The following KCNIP1 variants were observed in gnomAD, a reference collection of about 807,000 sequenced individuals.
KCNIP1 encodes the protein A-type potassium channel modulatory protein KCNIP1.
KCNIP1 carries 18 observed loss-of-function variants against 33.0 expected under a neutral mutation model. The ratio of observed to expected loss-of-function variants is 0.55; its 90% CI spans 0.38 to 0.81. KCNIP1 has a LOEUF of 0.81. KCNIP1 is among the 30% of genes least tolerant of loss of function. KCNIP1 has a pLI of 0.00. For synonymous variants in KCNIP1, 93 were observed against 98.3 expected, an observed-to-expected ratio of 0.95 and a Z score of 0.32; for missense variants, 238 against 271.6, an observed-to-expected ratio of 0.88 and a Z score of 0.87.
At chr5:170,599,478 A>G (rs2113581100) in intron 1 of KCNIP1, among the ~76,000 whole-genome samples, 1 of 152,286 alleles carries the variant, frequency 6.6e-6, no homozygotes, top group Non-Finnish European at 1.5e-5. Context: ...TACCCTGTGT[A>G]TCAAGGAATG....
At chr5:170,718,013 G>T (rs73321346) in intron 1 of KCNIP1, among the ~76,000 whole-genome samples, 1 of 152,190 alleles carries the variant, frequency 6.6e-6, no homozygotes, top group African/African-American at 2.4e-5. Flanking sequence ...TGATCCTTCA[G>T]TGGAAGATGG....
intron 1 of KCNIP1, among the ~76,000 whole-genome samples, chr5:170,675,768 G>A (rs971804821): frequency 2.6e-5 from 4 of 152,074 alleles, no homozygotes; most frequent in African/African-American, 4.8e-5. Flanking sequence ...CCCTCTCTTT[G>A]CCCCCATTTT....
At chr5:170,358,867 G>T (rs1020393956) in intron 1 of KCNIP1, among the ~76,000 whole-genome samples, 6 of 152,188 alleles carry the variant, frequency 3.9e-5, no homozygotes, top group African/African-American at 1.4e-4. Flanking sequence ...TCTTGCTGCA[G>T]CCAAGACAAG....
intron 1 of KCNIP1, among the ~76,000 whole-genome samples, chr5:170,458,289 G>C (rs1756433609): frequency 6.6e-6 from 1 of 152,158 alleles, no homozygotes; most frequent in African/African-American, 2.4e-5. Flanking sequence ...GAATAATCAA[G>C]GAAAACTCCC....
Position 170,390,517 on chromosome 5 carries a change from A to AAAAAAAAAAAAATATATATATATAT in KCNIP1, c.88+36554_88+36555insAAAAAAAAAAATATATATATATATA. Among the ~76,000 whole-genome samples, 90 of 74,432 alleles carry AAAAAAAAAAAAATATATATATATAT rather than the reference A, an allele frequency of 1.2e-3. 2 individuals carry two copies. Among genetic ancestry groups the AAAAAAAAAAAAATATATATATATAT allele is most frequent in the African/African-American group, 1.5e-3 (23 of 15,606 alleles). 48.8% of individuals were successfully genotyped at this position (74,432 alleles called of 152,430 possible). A position where few individuals can be genotyped will look rare whatever the true frequency, so the allele number is the denominator to read the frequency against. On this transcript the variant is annotated intron_variant, in intron 1 of 7. Coordinates refer to the KCNIP1 transcript ENST00000377360. ...GACCCCGTCTCAAAAAAAAAAAACA[A>AAAAAAAAAAAAATATATATATATAT]ATATATATATATATATATATATTTT...
chr5:170,485,491 TCA>T (rs1397784322), intron 1 of KCNIP1, among the ~76,000 whole-genome samples: 1 of 152,140 alleles, frequency 6.6e-6, no homozygotes, highest in East Asian at 1.9e-4. Flanking sequence ...ATGCCTAGAC[TCA>T]CACACAGACA....
intron 1 of KCNIP1, among the ~76,000 whole-genome samples, chr5:170,498,046 C>G (rs999500791): frequency 6.6e-6 from 1 of 152,244 alleles, no homozygotes; most frequent in African/African-American, 2.4e-5. Context: ...TGAGGCCATG[C>G]TTGATGCATA....
chr5:170,548,995 T>C (rs1756510387), intron 1 of KCNIP1, among the ~76,000 whole-genome samples: 1 of 152,204 alleles, frequency 6.6e-6, no homozygotes, highest in East Asian at 1.9e-4. Flanking sequence ...AGAAGCCAAG[T>C]AGTACACTAG....
chr5:170,381,925 C>T (rs567457572), intron 1 of KCNIP1, among the ~76,000 whole-genome samples: 8 of 152,316 alleles, frequency 5.3e-5, no homozygotes, highest in South Asian at 2.1e-4. Context: ...CGGGTGGGGC[C>T]GAGTCATACT....
intron 1 of KCNIP1, among the ~76,000 whole-genome samples, chr5:170,528,386 G>T (rs546883758): frequency 6.6e-6 from 1 of 152,312 alleles, no homozygotes; most frequent in Admixed American, 6.5e-5. Flanking sequence ...CTGCAGGCCA[G>T]ACTTCAGTTC....
At chr5:170,656,996 C>CTTTTTT (rs397999901) in intron 1 of KCNIP1, among the ~76,000 whole-genome samples, 34 of 109,730 alleles carry the variant, frequency 3.1e-4, no homozygotes, top group South Asian at 1.8e-3. Context: ...TTCTTTCTTT[C>CTTTTTT]TTTTTTTTTT....
intron 1 of KCNIP1, among the ~76,000 whole-genome samples, chr5:170,642,358 G>A (rs753133375): frequency 2.0e-5 from 3 of 152,158 alleles, no homozygotes; most frequent in Non-Finnish European, 4.4e-5. Flanking sequence ...AGTGAGCACC[G>A]ACTGTGCACA....
chr5:170,663,160 T>C (rs1419488208), intron 1 of KCNIP1, among the ~76,000 whole-genome samples: 1 of 152,206 alleles, frequency 6.6e-6, no homozygotes, highest in Non-Finnish European at 1.5e-5. Flanking sequence ...CAAGGGAATA[T>C]GTCAGCTCCA....
intron 1 of KCNIP1, among the ~76,000 whole-genome samples, chr5:170,399,987 T>A (rs1754858192): frequency 6.6e-6 from 1 of 152,198 alleles, no homozygotes. Flanking sequence ...TAGGATCTGA[T>A]AAAATACACA....
At chr5:170,573,420 C>T (rs1757487798) in intron 1 of KCNIP1, among the ~76,000 whole-genome samples, 3 of 152,234 alleles carry the variant, frequency 2.0e-5, no homozygotes, top group East Asian at 1.9e-4. Flanking sequence ...TATTCTCCAG[C>T]GTCTATGAAT....
chr5:170,384,173 G>C (rs1213774579), intron 1 of KCNIP1, among the ~76,000 whole-genome samples: 2 of 152,190 alleles, frequency 1.3e-5, no homozygotes, highest in Non-Finnish European at 2.9e-5. Flanking sequence ...GAACTTCTTG[G>C]GTGGTTTGGC....
intron 1 of KCNIP1, among the ~76,000 whole-genome samples, chr5:170,644,959 C>T (rs769790090): frequency 6.6e-6 from 1 of 152,208 alleles, no homozygotes; most frequent in Non-Finnish European, 1.5e-5. Flanking sequence ...GTATACTGGC[C>T]TCTCTTGCCG....
chr5:170,474,895 T>A (rs1466877363), intron 1 of KCNIP1, among the ~76,000 whole-genome samples: 2 of 152,136 alleles, frequency 1.3e-5, no homozygotes, highest in African/African-American at 2.4e-5. Context: ...CCCCACCGCG[T>A]AGAAGGGGAC....
At chr5:170,405,854 C>T (rs1262478455) in intron 1 of KCNIP1, among the ~76,000 whole-genome samples, 2 of 152,198 alleles carry the variant, frequency 1.3e-5, no homozygotes, top group Non-Finnish European at 2.9e-5. Flanking sequence ...TCCCTTTCCA[C>T]AGCTGTGTTA....
Sources: gnomAD v4.1 joint callset for allele counts (sites outside exome capture counted in the v4.1 genomes callset) on GRCh38, gnomAD v4.1.1 for gene constraint, MANE v1.5 for transcripts, NCBI Gene and HGNC (gene_info 2026-07-23, HGNC 2026-07-21) for gene names.